Variants in AUTS2 observed in about 807,000 individuals in gnomAD.
AUTS2 encodes the protein activator of transcription and developmental regulator AUTS2.
Under a neutral mutation model 112.4 loss-of-function variants are expected in AUTS2, and 17 were observed. The observed-to-expected ratio is 0.15, with a 90% CI of 0.10 to 0.23. The LOEUF (loss-of-function observed/expected upper bound fraction) is 0.23. Among genes scored for constraint, AUTS2 ranks in the 10% least tolerant of loss-of-function variants. The probability of loss-of-function intolerance (pLI) is 1.00; values close to 1 mark genes in which losing one functional copy is unlikely to be tolerated. For missense variants in AUTS2, 1,510 were observed against 1,701.6 expected, an observed-to-expected ratio of 0.89 and a Z score of 1.98; for synonymous variants, 751 against 702.7, an observed-to-expected ratio of 1.07 and a Z score of -1.09.
rs150548501 is a variant in AUTS2, at chr7:70,790,194, C to T, written c.2978C>T (p.Pro993Leu). 2.5e-5 allele frequency: 41 copies of T among 1,612,556 alleles called. No individual in the cohort carries two copies. The African/African-American group carries it at 4.3e-4, about 17-fold the overall frequency. Residue 993 changes from proline (P) to leucine (L), a missense_variant, in exon 19 of 19, where the codon CCT becomes CTT. Around this residue, in one of 3 missense-constraint regions of AUTS2, gnomAD observed 788 missense variants for 797.6 expected, o/e 0.99. Coordinates refer to ENST00000342771, the MANE Select transcript of AUTS2 (RefSeq NM_015570.4). This position sits in a 1 kb window ranked among gnomAD's most constrained non-coding sequence, Gnocchi z 7.6. The stretch of plus-strand genomic sequence containing the variant: ...GAGCGGAAGGAAGACCATGACCTGC[C>T]TCCAGAGGCCCCGCAGACCCACCGG... ...KEERKEDHDL[P>L]PEAPQTHRAS...
At chr7:70,418,075 CTGTGTG>C (rs34869843) in intron 4 of AUTS2, among the ~76,000 whole-genome samples, 111 of 136,462 alleles carry the variant, frequency 8.1e-4, no homozygotes, top group African/African-American at 1.6e-3. Context: ...GGCTAACTTT[CTGTGTG>C]TGTGTGTGTG....
chr7:70,017,435 G>A (rs1023208759), intron 2 of AUTS2, among the ~76,000 whole-genome samples: 2 of 152,226 alleles, frequency 1.3e-5, no homozygotes, highest in African/African-American at 2.4e-5. Context: ...CTTAATCACT[G>A]TAACCTTTAA....
At chr7:70,418,917 A>G (rs1180873542) in intron 4 of AUTS2, among the ~76,000 whole-genome samples, 2 of 151,498 alleles carry the variant, frequency 1.3e-5, no homozygotes, top group Non-Finnish European at 1.5e-5. Flanking sequence ...ATATAACTCT[A>G]TGTATCTTGT....
intron 4 of AUTS2, among the ~76,000 whole-genome samples, chr7:70,222,652 A>G (rs148554598): frequency 6.6e-6 from 1 of 151,896 alleles, no homozygotes; most frequent in Non-Finnish European, 1.5e-5. Context: ...AAAAGACTTT[A>G]AGTTCTCTGC....
intron 4 of AUTS2, among the ~76,000 whole-genome samples, chr7:70,169,456 C>T (rs1277038783): frequency 7.2e-5 from 11 of 151,910 alleles, no homozygotes; most frequent in South Asian, 6.2e-4. Context: ...TTAGCCAGGA[C>T]GCTTTTGATC....
chr7:70,000,073 G>A (rs1012748554), intron 2 of AUTS2, among the ~76,000 whole-genome samples: 2 of 152,222 alleles, frequency 1.3e-5, no homozygotes, highest in African/African-American at 4.8e-5. Flanking sequence ...AGGTGAAAGT[G>A]CACACAAACA....
intron 1 of AUTS2, among the ~76,000 whole-genome samples, chr7:69,781,169 A>C (rs1789130335): frequency 6.6e-6 from 1 of 152,186 alleles, no homozygotes. Context: ...ATGAAAATGC[A>C]CTTCTCTGTC....
At chr7:70,439,083 G>A (rs978704775) in intron 5 of AUTS2, among the ~76,000 whole-genome samples, 2 of 152,202 alleles carry the variant, frequency 1.3e-5, no homozygotes, top group Non-Finnish European at 2.9e-5. Context: ...AAGTGACTCC[G>A]AAAGGGGCTA....
chr7:70,567,158 A>G (rs1343344593), intron 5 of AUTS2, among the ~76,000 whole-genome samples: 1 of 152,198 alleles, frequency 6.6e-6, no homozygotes, highest in African/African-American at 2.4e-5. Context: ...CAGTGTGTTC[A>G]TGTCTCGATC....
chr7:70,177,284 T>C (rs1014431965), intron 4 of AUTS2, among the ~76,000 whole-genome samples: 13 of 152,050 alleles, frequency 8.5e-5, no homozygotes, highest in East Asian at 7.7e-4. Context: ...GGTACTGTTA[T>C]TGACATCATT....
intron 1 of AUTS2, among the ~76,000 whole-genome samples, chr7:69,809,748 A>G (rs532288955): frequency 6.6e-6 from 1 of 152,300 alleles, no homozygotes; most frequent in South Asian, 2.1e-4. Flanking sequence ...CGGAGCTGAC[A>G]TGCCCCAATA....
At chr7:69,872,425 G>A (rs750695084) in intron 1 of AUTS2, among the ~76,000 whole-genome samples, 7 of 152,150 alleles carry the variant, frequency 4.6e-5, no homozygotes, top group Non-Finnish European at 8.8e-5. Flanking sequence ...ATATATCAGT[G>A]TCAAGTGTTG....
At chr7:70,593,972 G>C (rs531681489) in intron 5 of AUTS2, among the ~76,000 whole-genome samples, 60 of 152,330 alleles carry the variant, frequency 3.9e-4, no homozygotes, top group African/African-American at 1.4e-3. Flanking sequence ...ACATTATTCT[G>C]CTCAGGGCAA....
At chr7:70,682,983 T>G (rs1808285765) in intron 5 of AUTS2, among the ~76,000 whole-genome samples, 1 of 152,206 alleles carries the variant, frequency 6.6e-6, no homozygotes, top group African/African-American at 2.4e-5. Flanking sequence ...GGGCCCAAAC[T>G]CTGAATCTCC....
chr7:70,529,932 A>C (rs1033745192), intron 5 of AUTS2, among the ~76,000 whole-genome samples: 1 of 152,334 alleles, frequency 6.6e-6, no homozygotes, highest in African/African-American at 2.4e-5. Context: ...GCTTGGGGGA[A>C]AAATATGTTC....
intron 1 of AUTS2, among the ~76,000 whole-genome samples, chr7:69,743,970 A>AT (rs35084019): frequency 6.0e-4 from 88 of 146,434 alleles, no homozygotes; most frequent in Middle Eastern, 7.0e-3. Context: ...GCTAATTAAC[A>AT]TTTTTTTTTT....
At chr7:70,018,514 A>C (rs1323085225) in intron 2 of AUTS2, among the ~76,000 whole-genome samples, 2 of 152,148 alleles carry the variant, frequency 1.3e-5, no homozygotes, top group Non-Finnish European at 2.9e-5. Flanking sequence ...CTGAGGCTGC[A>C]CCCTAGCTAA....
At chr7:70,402,275 G>T (rs996621501) in intron 4 of AUTS2, among the ~76,000 whole-genome samples, 1 of 152,204 alleles carries the variant, frequency 6.6e-6, no homozygotes, top group South Asian at 2.1e-4. Flanking sequence ...TATTTATGCT[G>T]CTATGAAGCT....
chr7:69,791,098 A>G (rs572597470), intron 1 of AUTS2, among the ~76,000 whole-genome samples: 1 of 152,360 alleles, frequency 6.6e-6, no homozygotes, highest in East Asian at 1.9e-4. Context: ...TTCTGATGCC[A>G]TCTTCCAATT....
Sources: gnomAD v4.1 joint callset for allele counts (sites outside exome capture counted in the v4.1 genomes callset) on GRCh38, gnomAD v4.1.1 for gene constraint, gnomAD v4.1.1 regional missense constraint, Gnocchi (gnomAD v3.1) non-coding constraint, MANE v1.5 for transcripts, NCBI Gene and HGNC (gene_info 2026-07-23, HGNC 2026-07-21) for gene names.